PTCHD4: variants seen among roughly 807,000 people sequenced by gnomAD.
The protein encoded by PTCHD4 is patched domain-containing protein 4.
In PTCHD4, 33 loss-of-function variants were observed where a neutral mutation model predicts 58.1. The observed-to-expected ratio is 0.57, with a 90% CI of 0.43 to 0.76. The LOEUF is 0.76. PTCHD4 is among the 30% of genes least tolerant of loss of function. The pLI is 0.00. For synonymous variants in PTCHD4, 478 were observed against 409.6 expected, an observed-to-expected ratio of 1.17 and a Z score of -2.02; for missense variants, 1,058 against 1,027.1, an observed-to-expected ratio of 1.03 and a Z score of -0.41.
intron 1 of PTCHD4, among the ~76,000 whole-genome samples, chr6:48,080,863 C>T (rs1765153230): frequency 6.6e-6 from 1 of 152,148 alleles, no homozygotes; most frequent in African/African-American, 2.4e-5. Flanking sequence ...CTGCCACCAG[C>T]CTCAGCTCTC....
intron 4 of PTCHD4, among the ~76,000 whole-genome samples, chr6:47,916,242 G>T (rs7755065): frequency 0.57 from 86,225 of 151,804 alleles, 25,753 homozygotes; most frequent in East Asian, 0.78. Context: ...TAGCAGTCCC[G>T]CTAGTTTCAC....
intron 3 of PTCHD4, among the ~76,000 whole-genome samples, chr6:48,044,026 T>C (rs1174053414): frequency 6.6e-6 from 1 of 151,896 alleles, no homozygotes; most frequent in Non-Finnish European, 1.5e-5. Flanking sequence ...TTTTTCCCAA[T>C]TGATCCTCAT....
At chr6:47,926,623 A>G (rs530670931) in intron 4 of PTCHD4, among the ~76,000 whole-genome samples, 8 of 152,228 alleles carry the variant, frequency 5.3e-5, no homozygotes, top group Admixed American at 3.9e-4. Flanking sequence ...CAGAGCTAAT[A>G]TTTTGATTCT....
chr6:48,084,806 C>A (rs567516350), intron 1 of PTCHD4, among the ~76,000 whole-genome samples: 1 of 150,014 alleles, frequency 6.7e-6, no homozygotes, highest in African/African-American at 2.5e-5. Context: ...TGCAGTGGCA[C>A]GATCTCAGCT....
chr6:48,000,280 C>T (rs1031493189), intron 4 of PTCHD4, among the ~76,000 whole-genome samples: 1 of 152,258 alleles, frequency 6.6e-6, no homozygotes, highest in Non-Finnish European at 1.5e-5. Context: ...TCTAGTCTAG[C>T]TGACCCTGAC....
intron 4 of PTCHD4, among the ~76,000 whole-genome samples, chr6:47,929,974 A>G (rs1303958943): frequency 2.0e-5 from 3 of 152,226 alleles, no homozygotes; most frequent in Non-Finnish European, 2.9e-5. Flanking sequence ...TTCACTTTTT[A>G]CATGACAAAA....
chr6:47,875,978 C>G lies in PTCHD4; in HGVS notation c.*2325G>C, dbSNP rs1448161115. 1.3e-5 allele frequency among the ~76,000 whole-genome samples: 2 copies of G among 151,660 alleles called. No homozygotes were observed. The highest frequency in any genetic ancestry group is 2.9e-5 in the Non-Finnish European group (2 of 67,858). On this transcript the variant is annotated 3_prime_UTR_variant, in exon 5 of 5. Coordinates refer to ENST00000339488, the MANE Select transcript of PTCHD4 (RefSeq NM_001384253.1). ...ATTAACTTTCTCAGTGATTATCTCCCATATTTTGATATGGGAGATAAAAAT... is the reference window on the plus strand; with the variant it reads ...ATTAACTTTCTCAGTGATTATCTCCGATATTTTGATATGGGAGATAAAAAT...
At chr6:48,075,858 C>T (rs1041934016) in intron 1 of PTCHD4, among the ~76,000 whole-genome samples, 1 of 152,210 alleles carries the variant, frequency 6.6e-6, no homozygotes, top group African/African-American at 2.4e-5. Context: ...CAGCTGACTG[C>T]TCAGGGTGAT....
At chr6:48,005,381 A>C (rs1191057327) in intron 4 of PTCHD4, among the ~76,000 whole-genome samples, 1 of 152,210 alleles carries the variant, frequency 6.6e-6, no homozygotes, top group Non-Finnish European at 1.5e-5. Flanking sequence ...ACAGGAATAG[A>C]AATAGAGGTT....
chr6:48,073,458 C>T (rs1765011089), intron 1 of PTCHD4, among the ~76,000 whole-genome samples: 1 of 152,202 alleles, frequency 6.6e-6, no homozygotes, highest in South Asian at 2.1e-4. Context: ...TCACTCATAG[C>T]AGTATTCACA....
chr6:47,997,802 G>T (rs547297238), intron 4 of PTCHD4, among the ~76,000 whole-genome samples: 2 of 152,230 alleles, frequency 1.3e-5, no homozygotes, highest in South Asian at 2.1e-4. Flanking sequence ...AGTCCACAGG[G>T]GTTCCTCAAT....
chr6:47,930,844 A>G (rs1447891969), intron 4 of PTCHD4, among the ~76,000 whole-genome samples: 1 of 152,116 alleles, frequency 6.6e-6, no homozygotes. Context: ...CCCAGGCTGG[A>G]GGGCAGTGGT....
At position 48,037,171 on chromosome 6, in the gene PTCHD4, G is replaced by A. The variant is rs146530331; in HGVS notation, c.418-28057C>T. Among the ~76,000 whole-genome samples the A allele has an allele frequency of 5.9e-5, 9 of 152,236 alleles. No individual in the cohort carries two copies. In the East Asian group the frequency reaches 1.7e-3, roughly 29 times the overall value. ...GTCATGACTAGAGAGTGAGTATAGTGTAAGATATTTTGAGAGAGAGAGAGC... is the reference window on the plus strand; with the variant it reads ...GTCATGACTAGAGAGTGAGTATAGTATAAGATATTTTGAGAGAGAGAGAGC... On this transcript the variant is annotated intron_variant, in intron 3 of 4. Transcript: ENST00000339488.
chr6:48,056,722 T>A (rs1764418265), intron 3 of PTCHD4, among the ~76,000 whole-genome samples: 1 of 152,100 alleles, frequency 6.6e-6, no homozygotes, highest in Non-Finnish European at 1.5e-5. Context: ...TTTCTAGGGG[T>A]CCTTAGAATA....
At chr6:47,968,331 A>T (rs558812854) in intron 4 of PTCHD4, among the ~76,000 whole-genome samples, 17 of 152,328 alleles carry the variant, frequency 1.1e-4, no homozygotes, top group Admixed American at 1.1e-3. Flanking sequence ...CAATTACAAT[A>T]GTAACATCAA....
chr6:48,038,454 A>C (rs2114146704), intron 3 of PTCHD4, among the ~76,000 whole-genome samples: 1 of 151,904 alleles, frequency 6.6e-6, no homozygotes, highest in Admixed American at 6.6e-5. Context: ...CCAGACTGGC[A>C]AACATGGTGA....
At chr6:47,978,038 A>G (rs1767759282) in intron 4 of PTCHD4, among the ~76,000 whole-genome samples, 1 of 152,160 alleles carries the variant, frequency 6.6e-6, no homozygotes, top group East Asian at 1.9e-4. Context: ...GAACTTATTG[A>G]TAGAAATAGA....
intron 4 of PTCHD4, among the ~76,000 whole-genome samples, chr6:47,996,304 A>G (rs1414103715): frequency 1.3e-5 from 2 of 152,098 alleles, no homozygotes; most frequent in Non-Finnish European, 2.9e-5. Context: ...CCCCATCTCT[A>G]CTATTAATAA....
In PTCHD4 at chr6:47,859,632, A is replaced by C. The variant is rs1367247350; in HGVS notation, c.*18671T>G. Among the ~76,000 whole-genome samples, 1 of 84,506 alleles carries C rather than the reference A, an allele frequency of 1.2e-5. No homozygotes were observed. The highest frequency in any genetic ancestry group is 4.0e-4 in the South Asian group (1 of 2,522). 55.4% of individuals were successfully genotyped at this position (84,506 alleles called of 152,430 possible). On this transcript the variant is annotated 3_prime_UTR_variant, in exon 5 of 5. Coordinates refer to ENST00000339488, the MANE Select transcript of PTCHD4 (RefSeq NM_001384253.1). ...GGGTACTGGGCTTATAGCAGTTTAC[A>C]GAGCAGAAAAATATCTCTGCCCCCT...
Sources: gnomAD v4.1 joint callset for allele counts (sites outside exome capture counted in the v4.1 genomes callset) on GRCh38, gnomAD v4.1.1 for gene constraint, MANE v1.5 for transcripts, NCBI Gene and HGNC (gene_info 2026-07-23, HGNC 2026-07-21) for gene names.